Variants in LRRK1 observed in about 807,000 individuals in gnomAD.
The protein encoded by LRRK1 is leucine-rich repeat serine/threonine-protein kinase 1.
In LRRK1, 113 loss-of-function variants were observed where a neutral mutation model predicts 209.1. That is an observed-to-expected ratio of 0.54 (90% CI 0.46 to 0.63). The LOEUF (loss-of-function observed/expected upper bound fraction) is 0.63, where lower values mean the gene tolerates loss of function less well. Among genes scored for constraint, LRRK1 ranks in the 30% least tolerant of loss-of-function variants. The pLI, the probability that LRRK1 is intolerant of heterozygous loss-of-function variation, is 0.00. For synonymous variants in LRRK1, 1,144 were observed against 1,099.7 expected, an observed-to-expected ratio of 1.04 and a Z score of -0.80; for missense variants, 2,284 against 2,632.2, an observed-to-expected ratio of 0.87 and a Z score of 2.89.
intron 2 of LRRK1, among the ~76,000 whole-genome samples, chr15:100,972,346 G>C (rs888714147): frequency 9.4e-5 from 10 of 106,488 alleles, no homozygotes; most frequent in Non-Finnish European, 1.6e-4. Flanking sequence ...GAGAGAGAGA[G>C]AGAGAGAGAG....
intron 6 of LRRK1, among the ~76,000 whole-genome samples, chr15:101,006,632 T>A (rs889253196): frequency 2.9e-5 from 3 of 104,428 alleles, no homozygotes; most frequent in African/African-American, 1.8e-4. Flanking sequence ...GGCTGTTGTG[T>A]AGAAAAATAT....
chr15:100,964,760 C>T (rs561435737), intron 2 of LRRK1, among the ~76,000 whole-genome samples: 8 of 151,322 alleles, frequency 5.3e-5, no homozygotes, highest in Admixed American at 1.3e-4. Flanking sequence ...TAAGTGTTTT[C>T]CTTGGTGGGG....
intron 2 of LRRK1, among the ~76,000 whole-genome samples, chr15:100,964,900 GA>G (rs1008076691): frequency 1.3e-5 from 2 of 151,554 alleles, no homozygotes; most frequent in African/African-American, 2.4e-5. Flanking sequence ...GATTTGTAGG[GA>G]AAAAAAACAG....
chr15:100,937,777 C>T (rs1057310475), intron 2 of LRRK1, among the ~76,000 whole-genome samples: 2 of 151,896 alleles, frequency 1.3e-5, no homozygotes, highest in Admixed American at 6.6e-5. Context: ...CCTCGTGATC[C>T]GCCCGTCTCG....
Position 101,065,823 on chromosome 15 carries a change from C to G in LRRK1, c.5386C>G (p.Pro1796Ala). The stretch of plus-strand genomic sequence containing the variant: ...TCCCGTGCGGCCCTTGGACACGGAA[C>G]CCCCGGCAGCCAGCCACACGGCCAA... ...MFPVRPLDTE[P>A]PAASHTANPK... The change falls in exon 32 of 34, where the codon CCC becomes GCC. Residue 1796 changes from proline to alanine, a missense_variant. Physicochemically the swap from Pro to Ala is conservative, Grantham distance 27 (BLOSUM62 -1). Coordinates refer to ENST00000388948, the MANE Select transcript of LRRK1 (RefSeq NM_024652.6). 6.2e-7 allele frequency: 1 copy of G among 1,614,012 alleles called. No individual in the cohort carries two copies. Among genetic ancestry groups the G allele is most frequent in the Non-Finnish European group, 8.5e-7 (1 of 1,180,010 alleles).
At chr15:101,040,002 C>A (rs2034670630) in intron 20 of LRRK1, among the ~76,000 whole-genome samples, 1 of 152,098 alleles carries the variant, frequency 6.6e-6, no homozygotes, top group South Asian at 2.1e-4. Flanking sequence ...ATTTTTTAAT[C>A]TATGTTCATG....
Position 101,055,192 on chromosome 15 carries a change from A to C in LRRK1, c.4301A>C (p.Glu1434Ala), listed in dbSNP as rs752860998. The change falls in exon 27 of 34, where the codon GAG becomes GCG. Residue 1434 changes from glutamate to alanine, a missense_variant. By Grantham distance (107) the Glu-to-Ala change is moderately radical. Coordinates refer to ENST00000388948, the MANE Select transcript of LRRK1 (RefSeq NM_024652.6). ...VEGTPGYQAP[E>A]IRPRIVYDEK... is the part of the protein sequence containing the mutation. ...GGCACTCCTGGCTACCAGGCCCCAG[A>C]GATCAGGCCTCGCATTGTATATGAT... 8.1e-6 allele frequency: 13 copies of C among 1,600,270 alleles called. No homozygotes were observed. The highest frequency in any genetic ancestry group is 1.1e-5 in the Non-Finnish European group (13 of 1,173,324).
intron 12 of LRRK1, among the ~76,000 whole-genome samples, chr15:101,018,159 G>T (rs1596280588): frequency 1.0e-5 from 1 of 98,042 alleles, no homozygotes; most frequent in East Asian, 2.8e-4. Flanking sequence ...GATATACAAA[G>T]AATGCTTACA....
rs1157134352 is a variant in LRRK1, at chr15:101,075,440, A to G, written c.*6592A>G. 3.3e-5 allele frequency: 4 copies of G among 119,716 alleles called. No individual in the cohort carries two copies. Among genetic ancestry groups the G allele is most frequent in the East Asian group, 2.0e-4 (1 of 4,976 alleles). 7.4% of individuals were successfully genotyped at this position (119,716 alleles called of 1,614,324 possible). ...CCCCCGACCTTAACCCATAAGTATA[A>G]GATACCTCTACTCCCTCCTTGGTGA... On this transcript the variant is annotated 3_prime_UTR_variant, in exon 34 of 34. Coordinates refer to ENST00000388948, the MANE Select transcript of LRRK1 (RefSeq NM_024652.6).
intron 30 of LRRK1, 31 bp from the exon 31 acceptor site, chr15:101,062,543 G>A (rs1169177756): frequency 1.4e-6 from 2 of 1,443,996 alleles, no homozygotes; most frequent in Non-Finnish European, 9.8e-7. Context: ...TTCCAGCCTG[G>A]GTCTCACAGT....
At position 100,989,328 on chromosome 15, in the gene LRRK1, C is replaced by T. The variant is rs2141670682; in HGVS notation, c.692C>T (p.Pro231Leu). 3 of 1,614,092 alleles carry T rather than the reference C, an allele frequency of 1.9e-6. No homozygotes were observed. Among genetic ancestry groups the T allele is most frequent in the Non-Finnish European group, 2.5e-6 (3 of 1,179,922 alleles). The change falls in exon 6 of 34, where the codon CCC becomes CTC. Residue 231 changes from proline to leucine, a missense_variant. Physicochemically the swap from Pro to Leu is moderately conservative, Grantham distance 98. This residue lies in a region of LRRK1 where 134 missense variants were observed against 191.7 expected (regional missense o/e 0.70). Transcript: ENST00000388948. ...TACATCTTGCTGGATAGTCCTGACC[C>T]CAGCAAACATCTGCTGAGAAAGTAC... Reference protein sequence around the residue: ...CSYILLDSPDPSKHLLRKYFI... With the variant: ...CSYILLDSPDLSKHLLRKYFI...
chr15:100,972,443 T>C (rs2030982681), intron 2 of LRRK1, among the ~76,000 whole-genome samples: 1 of 151,138 alleles, frequency 6.6e-6, no homozygotes, highest in Non-Finnish European at 1.5e-5. Context: ...TTGGCAGTTT[T>C]GTAATAAAAA....
intron 6 of LRRK1, among the ~76,000 whole-genome samples, chr15:101,006,372 T>TAAAAAAAA (rs56053663): frequency 3.5e-5 from 4 of 114,452 alleles, no homozygotes; most frequent in African/African-American, 6.6e-5. Flanking sequence ...GACAATGTGA[T>TAAAAAAAA]AAAAAAAAAA....
rs1481477891 is a variant in LRRK1 at position 100,919,839 on chromosome 15, T to TCAA, written c.-123+389_-123+390insAAC. On this transcript the variant is annotated intron_variant, in intron 1 of 33. Transcript: ENST00000388948. The surrounding 1 kb of genome is among the most constrained non-coding windows in gnomAD (Gnocchi z 5.8). ...ACACGAGCCGGGGAGCCCATAGGTT[T>TCAA]CCTCTGCCTTTGGAGCGAACCCAGT... Among the ~76,000 whole-genome samples the TCAA allele has an allele frequency of 6.6e-6, 1 of 151,872 alleles. No homozygotes were observed. The highest frequency in any genetic ancestry group is 2.4e-5 in the African/African-American group (1 of 41,316).
Position 101,074,985 on chromosome 15 carries a change from AGATCTTCTTG to A in LRRK1, c.*6139_*6148del. The A allele has an allele frequency of 6.9e-6, 1 of 144,204 alleles. No homozygotes were observed. Among genetic ancestry groups the A allele is most frequent in the Non-Finnish European group, 1.5e-5 (1 of 66,262 alleles). The allele number at this position is 144,204 out of a possible 1,614,324, so 8.9% of individuals were successfully genotyped here. A position where few individuals can be genotyped will look rare whatever the true frequency, so the allele number is the denominator to read the frequency against. ...AAGGCTCTCTGACTGACTCCTTCCCAGATCTTCTTGGCTTAGCGGCTGAAGACTGACACTG... is the reference window on the plus strand; with the variant it reads ...AAGGCTCTCTGACTGACTCCTTCCCAGCTTAGCGGCTGAAGACTGACACTG... On this transcript the variant is annotated 3_prime_UTR_variant, in exon 34 of 34. Coordinates refer to ENST00000388948, the MANE Select transcript of LRRK1 (RefSeq NM_024652.6).
chr15:100,935,262 G>T (rs2042280815), intron 2 of LRRK1, among the ~76,000 whole-genome samples: 1 of 152,214 alleles, frequency 6.6e-6, no homozygotes, highest in Non-Finnish European at 1.5e-5. Flanking sequence ...GGGCACTACT[G>T]CTGGTCAGAG....
At chr15:101,017,108 G>A (rs766792113) in intron 12 of LRRK1, among the ~76,000 whole-genome samples, 1 of 152,202 alleles carries the variant, frequency 6.6e-6, no homozygotes, top group Non-Finnish European at 1.5e-5. Flanking sequence ...TCAGGATGCT[G>A]GCCCAGAAAA....
At chr15:100,990,665 GT>G (rs1438909812) in intron 6 of LRRK1, among the ~76,000 whole-genome samples, 6 of 147,040 alleles carry the variant, frequency 4.1e-5, no homozygotes, top group Non-Finnish European at 9.0e-5. Context: ...GCCTGTTAAT[GT>G]TTGTTGATTA....
At chr15:100,989,700 C>T in intron 6 of LRRK1, 1 of 526,578 alleles carries the variant, frequency 1.9e-6, no homozygotes, top group Non-Finnish European at 3.3e-6. Flanking sequence ...GTGGGGCCTT[C>T]TTGGCCTAAT....
Sources: gnomAD v4.1 joint callset for allele counts (sites outside exome capture counted in the v4.1 genomes callset) on GRCh38, gnomAD v4.1.1 for gene constraint, gnomAD v4.1.1 regional missense constraint, Gnocchi (gnomAD v3.1) non-coding constraint, MANE v1.5 for transcripts, NCBI Gene and HGNC (gene_info 2026-07-23, HGNC 2026-07-21) for gene names.